The following GBF1 variants were observed in gnomAD, a reference collection of about 807,000 sequenced individuals.
The protein encoded by GBF1 is Golgi-specific brefeldin A-resistance guanine nucleotide exchange factor 1.
A neutral mutation model predicts 210.5 loss-of-function variants in GBF1; 114 were observed. The observed-to-expected ratio is 0.54, with a 90% CI of 0.47 to 0.63. The LOEUF (loss-of-function observed/expected upper bound fraction) is 0.63, where lower values mean the gene tolerates loss of function less well. Among genes scored for constraint, GBF1 ranks in the 30% least tolerant of loss-of-function variants. The probability of loss-of-function intolerance (pLI) is 0.00; values close to 1 mark genes in which losing one functional copy is unlikely to be tolerated. For missense variants in GBF1, 1,851 were observed against 2,357.7 expected (o/e 0.79, Z 4.45); for synonymous variants, 850 against 889.2 (o/e 0.96, Z 0.78).
rs536185086 is a variant in GBF1 at position 102,261,002 on chromosome 10, T to C, written c.163+886T>C. 9.3e-4 allele frequency among the ~76,000 whole-genome samples: 142 copies of C among 152,280 alleles called. 1 individual carries two copies. Among genetic ancestry groups the C allele is most frequent in the African/African-American group, 3.3e-3 (139 of 41,564 alleles). ...CAAAGCCATTTTCACATTTATTACC[T>C]TATTGAACTTTTATACAACCCTGTG... is the stretch of plus-strand genomic sequence containing the variant. On this transcript the variant is annotated intron_variant, in intron 3 of 39. Coordinates refer to ENST00000369983, the MANE Select transcript of GBF1 (RefSeq NM_001377137.1).
intron 7 of GBF1, among the ~76,000 whole-genome samples, chr10:102,353,033 C>T (rs1265858296): frequency 1.3e-5 from 2 of 152,108 alleles, no homozygotes; most frequent in African/African-American, 4.8e-5. Context: ...AGGCCTGTTT[C>T]CTGCACCTCC....
Position 102,309,248 on chromosome 10 carries a change from A to C in GBF1, c.164-34803A>C, listed in dbSNP as rs976499929. 5.9e-5 allele frequency among the ~76,000 whole-genome samples: 9 copies of C among 152,342 alleles called. No individual in the cohort carries two copies. The East Asian group carries it at 1.7e-3, about 29-fold the overall frequency. On this transcript the variant is annotated intron_variant, in intron 3 of 39. Transcript: ENST00000369983. The stretch of plus-strand genomic sequence containing the variant: ...CCAATCAGCCTTAGAGCAGGAATCA[A>C]ACTCATGTCTCAGAAAAGTTATTAA...
At chr10:102,376,825 C>G in intron 32 of GBF1, 25 bp downstream of exon 32, 1 of 1,609,008 alleles carries the variant, frequency 6.2e-7, no homozygotes, top group Non-Finnish European at 8.5e-7. Flanking sequence ...GAGGGGGCAG[C>G]TGGGGAGTAG....
chr10:102,274,857 A>C (rs1361946738), intron 3 of GBF1, among the ~76,000 whole-genome samples: 1 of 151,324 alleles, frequency 6.6e-6, no homozygotes, highest in Non-Finnish European at 1.5e-5. Flanking sequence ...GATTACAGGC[A>C]CCCACCACCA....
chr10:102,246,016 C>T (rs2070781855), intron 1 of GBF1, among the ~76,000 whole-genome samples: 1 of 152,200 alleles, frequency 6.6e-6, no homozygotes, highest in Non-Finnish European at 1.5e-5. Flanking sequence ...TGATCCTTTG[C>T]AGGTGCCCAA....
At chr10:102,293,764 G>GTTATTTTTTT in intron 3 of GBF1, among the ~76,000 whole-genome samples, 1 of 50,888 alleles carries the variant, frequency 2.0e-5, no homozygotes, top group Non-Finnish European at 4.2e-5. Context: ...GCTGTAGTAT[G>GTTATTTTTTT]TTTTGTGTTT....
chr10:102,280,656 CAG>C (rs1227060939), intron 3 of GBF1, among the ~76,000 whole-genome samples: 3 of 152,176 alleles, frequency 2.0e-5, no homozygotes, highest in African/African-American at 7.2e-5. Flanking sequence ...CCAAAATAAA[CAG>C]GGAGTAATAC....
chr10:102,370,828 C>A lies in GBF1; in HGVS notation c.3628C>A (p.Arg1210=), dbSNP rs760213274. ...AVVGLLRLAI[R]LLRREEISAQ... ...GGTGGGGTTGCTACGCCTGGCCATT[C>A]GGCTTCTCCGGAGAGAAGAGATCAG... is the stretch of plus-strand genomic sequence containing the variant. The change falls in exon 29 of 40, where the codon CGG becomes AGG. Residue 1210 remains arginine, a synonymous_variant. Transcript: ENST00000369983. 1.9e-6 allele frequency: 3 copies of A among 1,614,114 alleles called. No individual in the cohort carries two copies. The highest frequency in any genetic ancestry group is 2.2e-5 in the South Asian group (2 of 91,070).
chr10:102,281,713 A>G (rs2075502035), intron 3 of GBF1, among the ~76,000 whole-genome samples: 1 of 151,496 alleles, frequency 6.6e-6, no homozygotes. Flanking sequence ...TTACATTAAT[A>G]TGACACATTT....
At position 102,360,150 on chromosome 10, in the gene GBF1, A is replaced by G. The variant is rs182890123; in HGVS notation, c.1181-34A>G. ...GCAAAGCCAGCAGACTAGTTGTTTT[A>G]TAGCAGTCTCACTCTCCTCCTGGCC... On this transcript the variant is annotated intron_variant, in intron 11 of 39. Transcript: ENST00000369983. 3.7e-6 allele frequency: 5 copies of G among 1,361,534 alleles called. No homozygotes were observed. In the East Asian group the frequency reaches 6.9e-5, roughly 19 times the overall value. 84.3% of individuals were successfully genotyped at this position (1,361,534 alleles called of 1,614,324 possible). A position where few individuals can be genotyped will look rare whatever the true frequency, so the allele number is the denominator to read the frequency against.
intron 3 of GBF1, among the ~76,000 whole-genome samples, chr10:102,309,745 A>G (rs2078248828): frequency 6.6e-6 from 1 of 152,100 alleles, no homozygotes; most frequent in Non-Finnish European, 1.5e-5. Context: ...CTGGAATTTA[A>G]TTCATTATTA....
At chr10:102,340,008 C>T (rs1479666342) in intron 3 of GBF1, among the ~76,000 whole-genome samples, 1 of 148,072 alleles carries the variant, frequency 6.8e-6, no homozygotes, top group Non-Finnish European at 1.5e-5. Context: ...GGCTGGAGTG[C>T]AGTGGCACGA....
chr10:102,370,540 C>T (rs2060148528), intron 28 of GBF1, 62 bp downstream of exon 28: 1 of 1,411,966 alleles, frequency 7.1e-7, no homozygotes, highest in Admixed American at 1.7e-5. Context: ...GGATGGAAGC[C>T]ATCTTGCTGA....
chr10:102,365,506 A>C lies in GBF1; in HGVS notation c.2216A>C (p.Gln739Pro), dbSNP rs1373756831. ...TIPMDNTEVA[Q>P]WLRENPRLDK... is the part of the protein sequence containing the mutation. ...CCAATGGACAACACAGAGGTTGCTC[A>C]GTGGCTCCGAGAGAACCCTCGGCTG... Residue 739 changes from glutamine to proline, a missense_variant, in exon 18 of 40, where the codon CAG becomes CCG. Physicochemically the swap from Gln to Pro is moderately conservative, Grantham distance 76. Transcript: ENST00000369983. 1 of 1,614,160 alleles carries C rather than the reference A, an allele frequency of 6.2e-7. No individual in the cohort carries two copies. Among genetic ancestry groups the C allele is most frequent in the Non-Finnish European group, 8.5e-7 (1 of 1,179,948 alleles).
rs202223133 is a variant in GBF1, at chr10:102,248,278, C to CT, written c.-11+2509dup. Among the ~76,000 whole-genome samples the CT allele has an allele frequency of 6.3e-3, 889 of 141,308 alleles. 21 individuals are homozygous for CT. In the East Asian group the frequency reaches 0.097, roughly 15 times the overall value. 92.7% of individuals were successfully genotyped at this position (141,308 alleles called of 152,430 possible). A position where few individuals can be genotyped will look rare whatever the true frequency, so the allele number is the denominator to read the frequency against. On this transcript the variant is annotated intron_variant, in intron 1 of 39. Transcript: ENST00000369983. ...AATGAGCTGCTGTTTAGCTGTTACTCTTTTTTTTTTTTAATATTTCAGTAT... is the reference window on the plus strand; with the variant it reads ...AATGAGCTGCTGTTTAGCTGTTACTCTTTTTTTTTTTTTAATATTTCAGTAT...
chr10:102,375,471 T>G lies in GBF1; in HGVS notation c.3773T>G (p.Ile1258Ser). 6.2e-7 allele frequency: 1 copy of G among 1,613,240 alleles called. No homozygotes were observed. The highest frequency in any genetic ancestry group is 8.5e-7 in the Non-Finnish European group (1 of 1,179,206). The change falls in exon 30 of 40, where the codon ATC becomes AGC. Residue 1258 changes from isoleucine to serine, a missense_variant. Coordinates refer to ENST00000369983, the MANE Select transcript of GBF1 (RefSeq NM_001377137.1). The part of the protein sequence containing the change: ...HELLKTNAAN[I>S]HSGDDWATLF... ...CTCCTGAAGACCAATGCAGCCAACA[T>G]CCACTCAGGTGATGACTGGGCCACA...
intron 4 of GBF1, among the ~76,000 whole-genome samples, chr10:102,344,777 G>A (rs1029598451): frequency 6.6e-6 from 1 of 152,086 alleles, no homozygotes; most frequent in East Asian, 1.9e-4. Flanking sequence ...ACTGTGCCTG[G>A]CCTGGTTAGG....
At chr10:102,349,334 A>T (rs1198073753) in intron 4 of GBF1, among the ~76,000 whole-genome samples, 1 of 152,096 alleles carries the variant, frequency 6.6e-6, no homozygotes, top group Non-Finnish European at 1.5e-5. Context: ...GGAGTTTGTG[A>T]CCAGCCTGGC....
chr10:102,233,851 C>T, the GBF1 span, among the ~76,000 whole-genome samples: 1 of 152,174 alleles, frequency 6.6e-6, no homozygotes, highest in Non-Finnish European at 1.5e-5. Flanking sequence ...CTCACATTGC[C>T]CAGGAGCCTC....
Sources: allele counts gnomAD v4.1 joint callset (sites outside exome capture counted in the v4.1 genomes callset), GRCh38; gene constraint gnomAD v4.1.1; transcripts MANE v1.5; gene names NCBI Gene and HGNC (gene_info 2026-07-23, HGNC 2026-07-21).